ADGRB3: variants seen among roughly 807,000 people sequenced by gnomAD.
ADGRB3 encodes the protein adhesion G protein-coupled receptor B3, also known as brain-specific angiogenesis inhibitor 3.
ADGRB3 carries 37 observed loss-of-function variants against 193.4 expected under a neutral mutation model. That is an observed-to-expected ratio of 0.19 (90% CI 0.15 to 0.25). ADGRB3 has a LOEUF of 0.25. Among genes scored for constraint, ADGRB3 ranks in the 10% least tolerant of loss-of-function variants. ADGRB3 has a pLI of 1.00. For synonymous variants in ADGRB3, 690 were observed against 644.2 expected, an observed-to-expected ratio of 1.07 and a Z score of -1.08; for missense variants, 1,637 against 1,852.9, an observed-to-expected ratio of 0.88 and a Z score of 2.14.
At chr6:69,046,050 CATTT>C (rs1444550437) in intron 13 of ADGRB3, among the ~76,000 whole-genome samples, 1 of 152,054 alleles carries the variant, frequency 6.6e-6, no homozygotes, top group Non-Finnish European at 1.5e-5. Flanking sequence ...ATTAGACGAG[CATTT>C]ATTATGAGTA....
At chr6:69,145,225 G>T (rs1774452805) in intron 17 of ADGRB3, among the ~76,000 whole-genome samples, 1 of 152,206 alleles carries the variant, frequency 6.6e-6, no homozygotes, top group Non-Finnish European at 1.5e-5. Context: ...GTGAGCAAGT[G>T]AGCATGGGGT....
At chr6:69,110,510 A>G (rs1027287117) in intron 17 of ADGRB3, among the ~76,000 whole-genome samples, 2 of 152,202 alleles carry the variant, frequency 1.3e-5, no homozygotes, top group Non-Finnish European at 2.9e-5. Context: ...CCTTGTGTAG[A>G]GGTAAAATGT....
chr6:69,296,280 G>T (rs930390363), intron 20 of ADGRB3, among the ~76,000 whole-genome samples: 2 of 152,098 alleles, frequency 1.3e-5, no homozygotes, highest in African/African-American at 4.8e-5. Flanking sequence ...ACCCATGAAG[G>T]TTAATCACAG....
chr6:69,283,622 TA>T (rs1358619848), intron 20 of ADGRB3, among the ~76,000 whole-genome samples: 1 of 151,932 alleles, frequency 6.6e-6, no homozygotes, highest in Non-Finnish European at 1.5e-5. Flanking sequence ...GAAAAAAGCT[TA>T]GCACATTGGT....
At position 68,997,488 on chromosome 6, in the gene ADGRB3, C is replaced by CAAAAAAAAAA. The variant is rs748557247; in HGVS notation, c.1929+3538_1929+3547dup. Among the ~76,000 whole-genome samples, 65 of 51,820 alleles carry CAAAAAAAAAA rather than the reference C, an allele frequency of 1.3e-3. 1 individual carries two copies. Among genetic ancestry groups the CAAAAAAAAAA allele is most frequent in the African/African-American group, 2.8e-3 (45 of 16,060 alleles). 34.0% of individuals were successfully genotyped at this position (51,820 alleles called of 152,430 possible). ...TGAAACCCTGTTGCTACTAAAAATA[C>CAAAAAAAAAA]AAAAAAAAAAAAAAAAAAAAAGCAG... On this transcript the variant is annotated intron_variant, in intron 11 of 31. Coordinates refer to ENST00000370598, the MANE Select transcript of ADGRB3 (RefSeq NM_001704.3).
chr6:68,928,265 C>A lies in ADGRB3; in HGVS notation c.758-2294C>A, dbSNP rs527578471. On this transcript the variant is annotated intron_variant, in intron 3 of 31. Coordinates refer to ENST00000370598, the MANE Select transcript of ADGRB3 (RefSeq NM_001704.3). ...CCAAGGCTGGCCATGGTGGCTCCTA[C>A]CTGCAATCCCAACAATTTGGGAAGC... Among the ~76,000 whole-genome samples, 5 of 152,216 alleles carry A rather than the reference C, an allele frequency of 3.3e-5. No homozygotes were observed. The South Asian group carries it at 1.0e-3, about 32-fold the overall frequency.
chr6:68,710,657 T>G (rs1765394176), intron 3 of ADGRB3, among the ~76,000 whole-genome samples: 1 of 152,156 alleles, frequency 6.6e-6, no homozygotes, highest in East Asian at 1.9e-4. Context: ...CTCTGCAGTG[T>G]ATATCTCTAC....
intron 3 of ADGRB3, among the ~76,000 whole-genome samples, chr6:68,832,380 A>AT (rs58901811): frequency 0.03 from 4,638 of 152,174 alleles, 208 homozygotes; most frequent in African/African-American, 0.11. Context: ...CTTCATAATT[A>AT]TTTGACTACT....
At chr6:68,883,910 T>A (rs906115935) in intron 3 of ADGRB3, among the ~76,000 whole-genome samples, 31 of 152,228 alleles carry the variant, frequency 2.0e-4, no homozygotes, top group African/African-American at 7.5e-4. Flanking sequence ...AAAATTGGAA[T>A]TAATAAGGCT....
At chr6:68,718,843 A>G (rs530569900) in intron 3 of ADGRB3, among the ~76,000 whole-genome samples, 82 of 151,898 alleles carry the variant, frequency 5.4e-4, no homozygotes, top group African/African-American at 1.9e-3. Flanking sequence ...TGTTTTGTAA[A>G]TAGTGTCTTA....
intron 5 of ADGRB3, among the ~76,000 whole-genome samples, chr6:68,943,005 A>C (rs535905397): frequency 2.6e-5 from 4 of 152,188 alleles, no homozygotes; most frequent in Non-Finnish European, 5.9e-5. Context: ...TTTAAGATCA[A>C]TTGTGAATTC....
intron 10 of ADGRB3, among the ~76,000 whole-genome samples, chr6:68,980,519 C>T (rs1373622249): frequency 6.6e-6 from 1 of 151,574 alleles, no homozygotes; most frequent in Non-Finnish European, 1.5e-5. Context: ...AAATGCTCAG[C>T]ACATTGCCTA....
At chr6:69,344,102 G>A (rs1381906563) in intron 26 of ADGRB3, among the ~76,000 whole-genome samples, 1 of 152,000 alleles carries the variant, frequency 6.6e-6, no homozygotes, top group Admixed American at 6.6e-5. Context: ...TGTCAGAGGG[G>A]GAAAATCACA....
At chr6:68,980,675 A>G (rs12665384) in intron 10 of ADGRB3, among the ~76,000 whole-genome samples, 16,194 of 151,600 alleles carry the variant, frequency 0.11, 2,005 homozygotes, top group East Asian at 0.57. Flanking sequence ...TTAAGAAACC[A>G]GTAAACAAAT....
intron 20 of ADGRB3, among the ~76,000 whole-genome samples, chr6:69,299,907 A>G (rs1007435198): frequency 3.3e-5 from 5 of 151,638 alleles, no homozygotes; most frequent in African/African-American, 1.2e-4. Context: ...TTCTTTTTCT[A>G]TTTATATGAA....
chr6:68,753,846 T>C (rs1342409188), intron 3 of ADGRB3, among the ~76,000 whole-genome samples: 1 of 152,204 alleles, frequency 6.6e-6, no homozygotes, highest in Non-Finnish European at 1.5e-5. Context: ...CCTGGAAGAA[T>C]ACCCAGTTGA....
At chr6:68,951,714 G>A (rs987522311) in intron 6 of ADGRB3, among the ~76,000 whole-genome samples, 3 of 152,162 alleles carry the variant, frequency 2.0e-5, no homozygotes, top group Admixed American at 6.5e-5. Context: ...GACAGTTTCA[G>A]AAAGAAAGCT....
intron 3 of ADGRB3, among the ~76,000 whole-genome samples, chr6:68,841,703 G>C (rs930297350): frequency 6.6e-6 from 1 of 152,052 alleles, no homozygotes; most frequent in African/African-American, 2.4e-5. Flanking sequence ...GAAGAACTAG[G>C]AGAGGAAGAG....
intron 20 of ADGRB3, among the ~76,000 whole-genome samples, chr6:69,305,616 A>G (rs1255244827): frequency 6.6e-6 from 1 of 151,022 alleles, no homozygotes; most frequent in East Asian, 2.0e-4. Flanking sequence ...TGGGGGAGAA[A>G]AAACACAGTG....
Sources: gnomAD v4.1 joint callset for allele counts (sites outside exome capture counted in the v4.1 genomes callset) on GRCh38, gnomAD v4.1.1 for gene constraint, MANE v1.5 for transcripts, NCBI Gene and HGNC (gene_info 2026-07-23, HGNC 2026-07-21) for gene names.